The following IQGAP1 variants were observed in gnomAD, a reference collection of about 807,000 sequenced individuals.
The protein encoded by IQGAP1 is ras GTPase-activating-like protein IQGAP1.
Under a neutral mutation model 215.6 loss-of-function variants are expected in IQGAP1, and 66 were observed. That is an observed-to-expected ratio of 0.31 (90% CI 0.25 to 0.38). IQGAP1 has a LOEUF of 0.38. Among genes scored for constraint, IQGAP1 ranks in the 10% least tolerant of loss-of-function variants. IQGAP1 has a pLI of 1.00. For synonymous variants in IQGAP1, 772 were observed against 728.7 expected, an observed-to-expected ratio of 1.06 and a Z score of -0.96; for missense variants, 1,712 against 1,997.1, an observed-to-expected ratio of 0.86 and a Z score of 2.72.
At chr15:90,468,609 CTGCT>C (rs1279152593) in intron 18 of IQGAP1, among the ~76,000 whole-genome samples, 14 of 152,130 alleles carry the variant, frequency 9.2e-5, no homozygotes, top group African/African-American at 3.4e-4. Flanking sequence ...GGCAAAAAGA[CTGCT>C]TGAGCCCAGG....
intron 6 of IQGAP1, 49 bp downstream of exon 6, chr15:90,439,448 G>A (rs777867115): frequency 1.0e-5 from 15 of 1,485,840 alleles, no homozygotes; most frequent in Non-Finnish European, 1.2e-5. Context: ...TGTGGAAATA[G>A]CCTGGAGAGC....
rs147271290 is a variant in IQGAP1 at position 90,407,967 on chromosome 15, T to G, written c.155+17094T>G. ...TCAGTGTCACAAGGCAATATGTAATTGCTGAGGAAATGATGCAAATAGTTA... is the reference window on the plus strand; with the variant it reads ...TCAGTGTCACAAGGCAATATGTAATGGCTGAGGAAATGATGCAAATAGTTA... On this transcript the variant is annotated intron_variant, in intron 2 of 37. Transcript: ENST00000268182. Among the ~76,000 whole-genome samples the G allele has an allele frequency of 2.9e-3, 438 of 152,324 alleles. 2 individuals carry two copies. Among genetic ancestry groups the G allele is most frequent in the African/African-American group, 1.0e-2 (415 of 41,572 alleles).
At chr15:90,487,314 G>T (rs569374985) in intron 32 of IQGAP1, among the ~76,000 whole-genome samples, 181 bp from the exon 33 acceptor site, 1 of 152,054 alleles carries the variant, frequency 6.6e-6, no homozygotes, top group South Asian at 2.1e-4. Flanking sequence ...CCTAACCCTC[G>T]TACCTACTTA....
chr15:90,476,695 A>G lies in IQGAP1; in HGVS notation c.2817A>G (p.Lys939=). The change falls in exon 24 of 38, where the codon AAA becomes AAG. Residue 939 remains lysine, a synonymous_variant. Coordinates refer to ENST00000268182, the MANE Select transcript of IQGAP1 (RefSeq NM_003870.4). ...TTTCCCACAGTAAAAAACTTACCAA[A>G]AAAAATAAGGAACAGTTGTCTGATA... ...DVVSHSKKLT[K]KNKEQLSDMM... The G allele has an allele frequency of 6.3e-7, 1 of 1,590,776 alleles. No homozygotes were observed. Among genetic ancestry groups the G allele is most frequent in the Admixed American group, 1.9e-5 (1 of 51,428 alleles).
chr15:90,477,573 CTG>C, intron 25 of IQGAP1, 90 bp from the exon 26 acceptor site: 1 of 924,538 alleles, frequency 1.1e-6, no homozygotes, highest in Non-Finnish European at 1.7e-6. Context: ...TCGAGAGAAA[CTG>C]TTTCAGGGAG....
chr15:90,441,676 A>G lies in IQGAP1; in HGVS notation c.820A>G (p.Lys274Glu). The G allele has an allele frequency of 6.2e-7, 1 of 1,601,154 alleles. No individual in the cohort carries two copies. The highest frequency in any genetic ancestry group is 8.5e-7 in the Non-Finnish European group (1 of 1,172,840). Residue 274 changes from lysine to glutamate, a missense_variant, in exon 8 of 38, where the codon AAA becomes GAA. Coordinates refer to ENST00000268182, the MANE Select transcript of IQGAP1 (RefSeq NM_003870.4). ...QAKQDKMTNAKNRTENSERER... is the reference protein window; with the variant it reads ...QAKQDKMTNAENRTENSERER... ...TAAGCAGGACAAAATGACAAATGCT[A>G]AAAACAGGGTAAAAATGCAACATCT...
chr15:90,395,477 C>G (rs1369835524), intron 2 of IQGAP1, among the ~76,000 whole-genome samples: 1 of 152,098 alleles, frequency 6.6e-6, no homozygotes, highest in African/African-American at 2.4e-5. Flanking sequence ...CCCACCACCA[C>G]GCCTGGCTAA....
chr15:90,420,535 T>G (rs1181983613), intron 2 of IQGAP1, among the ~76,000 whole-genome samples: 2 of 152,206 alleles, frequency 1.3e-5, no homozygotes, highest in Non-Finnish European at 2.9e-5. Context: ...CTTCCTGATT[T>G]GGCTGAGATG....
intron 33 of IQGAP1, among the ~76,000 whole-genome samples, chr15:90,491,109 C>G (rs1444480602): frequency 1.3e-5 from 2 of 152,090 alleles, no homozygotes; most frequent in South Asian, 4.2e-4. Flanking sequence ...GCGCCTAGCC[C>G]AGTTGTGTGA....
At chr15:90,432,691 C>T (rs1965319172) in intron 4 of IQGAP1, among the ~76,000 whole-genome samples, 1 of 152,160 alleles carries the variant, frequency 6.6e-6, no homozygotes, top group South Asian at 2.1e-4. Flanking sequence ...GGCTATTTCT[C>T]TTATTTGGAA....
intron 11 of IQGAP1, among the ~76,000 whole-genome samples, chr15:90,451,833 C>CT (rs1000688423): frequency 0.028 from 3,863 of 139,474 alleles, 136 homozygotes; most frequent in African/African-American, 0.086. Context: ...TCTGTGTGCC[C>CT]TTTTTTTTTT....
intron 34 of IQGAP1, among the ~76,000 whole-genome samples, chr15:90,492,143 T>G (rs1387921213): frequency 5.3e-5 from 8 of 152,214 alleles, no homozygotes; most frequent in Admixed American, 5.2e-4. Flanking sequence ...TCTCTGTTAA[T>G]TTGTGAAAAC....
At chr15:90,462,514 G>A (rs984635567) in intron 15 of IQGAP1, among the ~76,000 whole-genome samples, 1 of 152,074 alleles carries the variant, frequency 6.6e-6, no homozygotes, top group African/African-American at 2.4e-5. Context: ...GTGTGTATGT[G>A]GTATATATGT....
chr15:90,457,064 A>C (rs1965695229), intron 15 of IQGAP1, among the ~76,000 whole-genome samples: 1 of 151,794 alleles, frequency 6.6e-6, no homozygotes, highest in Admixed American at 6.6e-5. Flanking sequence ...AAGGAGGCAC[A>C]CCTGTGTATT....
At chr15:90,435,725 A>G (rs1223937718) in intron 5 of IQGAP1, among the ~76,000 whole-genome samples, 1 of 152,178 alleles carries the variant, frequency 6.6e-6, no homozygotes, top group Non-Finnish European at 1.5e-5. Flanking sequence ...AGAATTAACT[A>G]TGCCTTCCTA....
At position 90,501,820 on chromosome 15, in the gene IQGAP1, G is replaced by A. The variant is rs1050635535; in HGVS notation, c.*1712G>A. On this transcript the variant is annotated 3_prime_UTR_variant, in exon 38 of 38. Coordinates refer to ENST00000268182, the MANE Select transcript of IQGAP1 (RefSeq NM_003870.4). ...GTGTCAACCCTGTTTCCTTAAAAGA[G>A]GCTATGAATCCCAAAGGCCACATCC... 6.6e-6 allele frequency: 1 copy of A among 152,130 alleles called. No individual in the cohort carries two copies. Among genetic ancestry groups the A allele is most frequent in the Non-Finnish European group, 1.5e-5 (1 of 68,048 alleles). The allele number at this position is 152,130 out of a possible 1,614,324, so 9.4% of individuals were successfully genotyped here.
At chr15:90,499,959 AAT>A (rs1491292240) in intron 37 of IQGAP1, 34 bp from the exon 38 acceptor site, 7 of 1,069,764 alleles carry the variant, frequency 6.5e-6, no homozygotes, top group Non-Finnish European at 9.5e-6. Flanking sequence ...TAACTGTCAA[AAT>A]GTTTTGTTTT....
intron 5 of IQGAP1, among the ~76,000 whole-genome samples, chr15:90,434,377 G>A (rs1043592310): frequency 1.3e-5 from 2 of 152,010 alleles, no homozygotes; most frequent in Non-Finnish European, 1.5e-5. Context: ...GGCAGAGGTT[G>A]CAGTGAGCCA....
chr15:90,398,110 T>G (rs1964753675), intron 2 of IQGAP1, among the ~76,000 whole-genome samples: 1 of 151,970 alleles, frequency 6.6e-6, no homozygotes. Context: ...GGTCTCAAAC[T>G]CCTGACCTCA....
Sources: allele counts gnomAD v4.1 joint callset (sites outside exome capture counted in the v4.1 genomes callset), GRCh38; gene constraint gnomAD v4.1.1; transcripts MANE v1.5; gene names NCBI Gene and HGNC (gene_info 2026-07-23, HGNC 2026-07-21).